ESRRG: variants seen among roughly 807,000 people sequenced by gnomAD.
ESRRG encodes the protein estrogen-related receptor gamma.
ESRRG carries 13 observed loss-of-function variants against 44.0 expected under a neutral mutation model. That is an observed-to-expected ratio of 0.30 (90% CI 0.19 to 0.47). The LOEUF (loss-of-function observed/expected upper bound fraction) is 0.47. Ranked by LOEUF, ESRRG falls within the 20% of genes least tolerant of loss-of-function variation. The pLI, the probability that ESRRG is intolerant of heterozygous loss-of-function variation, is 1.00. For missense variants in ESRRG, 395 were observed against 580.6 expected (o/e 0.68, Z 3.29); for synonymous variants, 215 against 214.6 (o/e 1.00, Z -0.02).
At chr1:216,560,655 T>G (rs1226048221) in intron 5 of ESRRG, among the ~76,000 whole-genome samples, 1 of 152,282 alleles carries the variant, frequency 6.6e-6, no homozygotes, top group African/African-American at 2.4e-5. Context: ...CTGTGAAACC[T>G]AGCTCTAATA....
chr1:216,879,949 T>C (rs1326415835), intron 2 of ESRRG, among the ~76,000 whole-genome samples: 1 of 152,226 alleles, frequency 6.6e-6, no homozygotes, highest in Non-Finnish European at 1.5e-5. Context: ...TCATCTTAAA[T>C]GCCTCTGTAT....
chr1:217,089,640 T>A (rs1163955006), upstream of ESRRG: 1 of 152,082 alleles, frequency 6.6e-6, no homozygotes, highest in Non-Finnish European at 1.5e-5. Context: ...TACACACGCC[T>A]CCTTTAACTG....
chr1:217,090,240 T>C (rs2092314235), upstream of ESRRG, among the ~76,000 whole-genome samples: 1 of 152,016 alleles, frequency 6.6e-6, no homozygotes, highest in African/African-American at 2.4e-5. Flanking sequence ...CAGGGTGACA[T>C]TCAGTGCCAA....
chr1:217,026,888 TAC>T (rs71163785), intron 1 of ESRRG, among the ~76,000 whole-genome samples: 23,590 of 104,864 alleles, frequency 0.22, 3,217 homozygotes, highest in Non-Finnish European at 0.3. Flanking sequence ...CACACACACA[TAC>T]ACACACACAC....
At chr1:217,070,692 T>C (rs2090444404) in intron 1 of ESRRG, among the ~76,000 whole-genome samples, 1 of 152,232 alleles carries the variant, frequency 6.6e-6, no homozygotes, top group South Asian at 2.1e-4. Flanking sequence ...AATGTTAAAA[T>C]CTGGAAAAGT....
At chr1:216,687,571 A>C (rs2078253074) in intron 1 of ESRRG, among the ~76,000 whole-genome samples, 1 of 152,132 alleles carries the variant, frequency 6.6e-6, no homozygotes, top group South Asian at 2.1e-4. Flanking sequence ...TTGGCCCCTA[A>C]GCTTGTCAGA....
intron 2 of ESRRG, 45 bp downstream of exon 2, chr1:216,677,029 CAT>C: frequency 6.9e-7 from 1 of 1,440,884 alleles, no homozygotes; most frequent in South Asian, 1.2e-5. Context: ...AAAAACCCAT[CAT>C]GTGAGGTTGG....
At chr1:217,061,956 A>G (rs1025673042) in intron 1 of ESRRG, among the ~76,000 whole-genome samples, 3 of 152,190 alleles carry the variant, frequency 2.0e-5, no homozygotes, top group African/African-American at 7.2e-5. Context: ...CTGCTCACCA[A>G]TGACATGAAA....
chr1:216,713,514 G>A (rs776846031), intron 1 of ESRRG, among the ~76,000 whole-genome samples: 5 of 152,266 alleles, frequency 3.3e-5, no homozygotes, highest in Middle Eastern at 6.8e-3. Context: ...TGAAAAAAGA[G>A]GGAGACTGGA....
At chr1:216,706,761 G>A (rs2082539615) in intron 1 of ESRRG, among the ~76,000 whole-genome samples, 1 of 152,080 alleles carries the variant, frequency 6.6e-6, no homozygotes, top group African/African-American at 2.4e-5. Flanking sequence ...CTTAACTGAT[G>A]CCAATATAAA....
chr1:217,096,128 T>C (rs2092419792), intron 1 of ESRRG, among the ~76,000 whole-genome samples: 1 of 152,252 alleles, frequency 6.6e-6, no homozygotes, highest in Non-Finnish European at 1.5e-5. Context: ...TAAATATTTA[T>C]ACAACTGTAT....
chr1:216,911,418 A>C (rs949921359), intron 2 of ESRRG, among the ~76,000 whole-genome samples: 1 of 152,192 alleles, frequency 6.6e-6, no homozygotes, highest in African/African-American at 2.4e-5. Context: ...TTAAAAGATC[A>C]TTGACTGCCA....
chr1:217,072,271 C>A (rs2090655870), intron 1 of ESRRG, among the ~76,000 whole-genome samples: 1 of 152,122 alleles, frequency 6.6e-6, no homozygotes, highest in South Asian at 2.1e-4. Context: ...TCACTCTATG[C>A]CAGGGATGTG....
At chr1:216,939,296 A>G (rs2064719108) in intron 2 of ESRRG, among the ~76,000 whole-genome samples, 1 of 142,160 alleles carries the variant, frequency 7.0e-6, no homozygotes, top group Non-Finnish European at 1.5e-5. Context: ...GATCACTACA[A>G]CACATACTTG....
intron 3 of ESRRG, among the ~76,000 whole-genome samples, chr1:216,573,918 T>C (rs760630220): frequency 1.3e-5 from 2 of 152,080 alleles, no homozygotes; most frequent in Non-Finnish European, 2.9e-5. Flanking sequence ...GATCAGAACC[T>C]GGGAAATCCA....
chr1:217,029,576 T>C (rs1308101419), intron 1 of ESRRG, among the ~76,000 whole-genome samples: 1 of 152,228 alleles, frequency 6.6e-6, no homozygotes, highest in Middle Eastern at 3.2e-3. Context: ...GACTGGGCTC[T>C]GTGTCCATTC....
intron 2 of ESRRG, among the ~76,000 whole-genome samples, chr1:216,818,247 A>G (rs1342409986): frequency 1.3e-5 from 2 of 152,250 alleles, no homozygotes; most frequent in Non-Finnish European, 2.9e-5. Context: ...TTTCATTACC[A>G]ATGAATGGAT....
intron 1 of ESRRG, chr1:217,000,813 CT>C (rs1210250086): frequency 6.6e-6 from 1 of 152,318 alleles, no homozygotes; most frequent in East Asian, 1.9e-4. Context: ...CAGCAAGGGC[CT>C]ATGCACTCTG....
chr1:216,959,911 T>C (rs1371759889), intron 1 of ESRRG, among the ~76,000 whole-genome samples: 1 of 152,106 alleles, frequency 6.6e-6, no homozygotes, highest in African/African-American at 2.4e-5. Flanking sequence ...ACTGAGAAAC[T>C]GTTAAACCTC....
Sources: gnomAD v4.1 joint callset for allele counts (sites outside exome capture counted in the v4.1 genomes callset) on GRCh38, gnomAD v4.1.1 for gene constraint, MANE v1.5 for transcripts, NCBI Gene and HGNC (gene_info 2026-07-23, HGNC 2026-07-21) for gene names.